ZSWIM9: variants seen among roughly 807,000 people sequenced by gnomAD.
The protein encoded by ZSWIM9 is uncharacterized protein ZSWIM9.
In ZSWIM9, 11 loss-of-function variants were observed where a neutral mutation model predicts 25.0. The observed-to-expected ratio is 0.44, with a 90% CI of 0.28 to 0.73. The LOEUF (loss-of-function observed/expected upper bound fraction) is 0.73. ZSWIM9 is among the 30% of genes least tolerant of loss of function. ZSWIM9 has a pLI of 0.16. For missense variants in ZSWIM9, 1,070 were observed against 1,296.5 expected, an observed-to-expected ratio of 0.83 and a Z score of 2.68; for synonymous variants, 562 against 582.1, an observed-to-expected ratio of 0.97 and a Z score of 0.50.
intron 2 of ZSWIM9, among the ~76,000 whole-genome samples, chr19:48,175,182 T>A (rs1049591877): frequency 3.9e-5 from 6 of 152,192 alleles, no homozygotes; most frequent in African/African-American, 1.4e-4. Context: ...GTGCAGGTAC[T>A]GTCCCAAGTG....
At position 48,196,191 on chromosome 19, in the gene ZSWIM9, A is replaced by C; in HGVS notation, c.2127A>C (p.Arg709Ser). 3.2e-6 allele frequency: 4 copies of C among 1,234,934 alleles called. No individual in the cohort carries two copies. Among genetic ancestry groups the C allele is most frequent in the Non-Finnish European group, 4.0e-6 (4 of 990,064 alleles). 76.5% of individuals were successfully genotyped at this position (1,234,934 alleles called of 1,614,324 possible). A position where few individuals can be genotyped will look rare whatever the true frequency, so the allele number is the denominator to read the frequency against. ...GAGCGAGGGTGGGGGTCAAAAGAAG[A>C]AGGGGCCTGGAGGATATAGTTCTGG... is the stretch of plus-strand genomic sequence containing the variant. The part of the protein sequence containing the change: ...ERGARVGVKR[R>S]RGLEDIVLVQ... Residue 709 changes from arginine to serine, a missense_variant, in exon 4 of 4, where the codon AGA becomes AGC. This residue lies in a region of ZSWIM9 where 583 missense variants were observed against 624.7 expected (regional missense o/e 0.93). Coordinates refer to ENST00000614654, the MANE Select transcript of ZSWIM9 (RefSeq NM_199341.4).
At chr19:48,185,200 C>T (rs953341180) in intron 3 of ZSWIM9, among the ~76,000 whole-genome samples, 3 of 146,938 alleles carry the variant, frequency 2.0e-5, no homozygotes, top group African/African-American at 7.6e-5. Flanking sequence ...AGTGCAATGG[C>T]GGAATCTTGG....
chr19:48,189,828 C>A (rs1395262384), intron 3 of ZSWIM9, among the ~76,000 whole-genome samples: 1 of 152,076 alleles, frequency 6.6e-6, no homozygotes. Context: ...GGAGTAAGAC[C>A]TTTTATGTAT....
intron 3 of ZSWIM9, chr19:48,187,557 T>A (rs1479102848): frequency 2.5e-4 from 7 of 27,826 alleles, no homozygotes; most frequent in Admixed American, 1.6e-3. Flanking sequence ...ATTATATATA[T>A]TATATATAAT....
chr19:48,176,881 T>C (rs2036898546), intron 2 of ZSWIM9, among the ~76,000 whole-genome samples: 1 of 151,266 alleles, frequency 6.6e-6, no homozygotes, highest in South Asian at 2.1e-4. Flanking sequence ...CTGGGCAACA[T>C]GGTGAAACTC....
intron 3 of ZSWIM9, among the ~76,000 whole-genome samples, chr19:48,192,152 T>C (rs1164981522): frequency 6.6e-6 from 1 of 151,870 alleles, no homozygotes. Flanking sequence ...GGCTGTCTCC[T>C]CTCACTCAGT....
chr19:48,176,625 A>G (rs996711217), intron 2 of ZSWIM9, among the ~76,000 whole-genome samples: 2 of 151,856 alleles, frequency 1.3e-5, no homozygotes, highest in Non-Finnish European at 2.9e-5. Flanking sequence ...TGACCGTGCC[A>G]TGGATCCCCT....
rs954905339 is a variant in ZSWIM9, at chr19:48,171,820, C to A, written c.18C>A (p.Pro6=). 2 of 1,533,040 alleles carry A rather than the reference C, an allele frequency of 1.3e-6. No individual in the cohort carries two copies. Among genetic ancestry groups the A allele is most frequent in the Admixed American group, 3.9e-5 (2 of 50,848 alleles). 95.0% of individuals were successfully genotyped at this position (1,533,040 alleles called of 1,614,324 possible). A position where few individuals can be genotyped will look rare whatever the true frequency, so the allele number is the denominator to read the frequency against. The change falls in exon 2 of 4, where the codon CCC becomes CCA. Residue 6 remains proline, a synonymous_variant. Coordinates refer to ENST00000614654, the MANE Select transcript of ZSWIM9 (RefSeq NM_199341.4). MERPE[P]PPGTAAGQEE... is the part of the protein sequence containing the mutation. ...CCCCCAGGATGGAGCGGCCGGAGCC[C>A]CCACCCGGCACGGCTGCGGGGCAGG...
chr19:48,185,965 A>G (rs979265543), intron 3 of ZSWIM9, among the ~76,000 whole-genome samples: 2 of 152,200 alleles, frequency 1.3e-5, no homozygotes, highest in Non-Finnish European at 2.9e-5. Flanking sequence ...TGGCCTAGGT[A>G]ACAGAGTGAC....
rs192474401 is a variant in ZSWIM9, at chr19:48,176,913, T to G, written c.275+4836T>G. On this transcript the variant is annotated intron_variant, in intron 2 of 3. Coordinates refer to ENST00000614654, the MANE Select transcript of ZSWIM9 (RefSeq NM_199341.4). ...ACTCCGTCTCTACTAAAATAAAAATTAAAAAAAAAAAATTAGCTGGGTGTG... is the reference window on the plus strand; with the variant it reads ...ACTCCGTCTCTACTAAAATAAAAATGAAAAAAAAAAAATTAGCTGGGTGTG... 8.7e-3 allele frequency among the ~76,000 whole-genome samples: 1,262 copies of G among 145,500 alleles called. 12 individuals carry two copies. Among genetic ancestry groups the G allele is most frequent in the South Asian group, 0.015 (70 of 4,564 alleles).
intron 2 of ZSWIM9, 147 bp downstream of exon 2, chr19:48,172,224 G>C (rs2123166838): frequency 1.4e-6 from 1 of 708,614 alleles, no homozygotes; most frequent in Non-Finnish European, 2.3e-6. Flanking sequence ...GCAGAGAGGC[G>C]GGAGTCAAGG....
chr19:48,171,324 G>C (rs1435952895), intron 1 of ZSWIM9: 1 of 985,240 alleles, frequency 1.0e-6, no homozygotes, highest in African/African-American at 1.7e-5. Flanking sequence ...GTCTTTGGAG[G>C]GGTTACAGCC....
In ZSWIM9 at chr19:48,182,322, C is replaced by T. The variant is rs920327193; in HGVS notation, c.276-133C>T. ...GACTTGCCCCAGGTCACACAGCTGG[C>T]ATATTCTTAGGGCCCTCTACTCTTC... On this transcript the variant is annotated intron_variant, in intron 2 of 3. Coordinates refer to ENST00000614654, the MANE Select transcript of ZSWIM9 (RefSeq NM_199341.4). The surrounding 1 kb of genome is among the most constrained non-coding windows in gnomAD (Gnocchi z 4.6). 2.7e-6 allele frequency: 2 copies of T among 741,448 alleles called. No individual in the cohort carries two copies. The highest frequency in any genetic ancestry group is 4.3e-6 in the Non-Finnish European group (2 of 468,338). The allele number at this position is 741,448 out of a possible 1,614,324, so 45.9% of individuals were successfully genotyped here.
In ZSWIM9 at chr19:48,182,792, G is replaced by A. The variant is rs780672444; in HGVS notation, c.588+25G>A. 7.3e-6 allele frequency: 11 copies of A among 1,498,030 alleles called. No homozygotes were observed. Among genetic ancestry groups the A allele is most frequent in the South Asian group, 1.2e-5 (1 of 80,330 alleles). The allele number at this position is 1,498,030 out of a possible 1,614,324, so 92.8% of individuals were successfully genotyped here. A position where few individuals can be genotyped will look rare whatever the true frequency, so the allele number is the denominator to read the frequency against. ...GGTGGGGTCTCGAGAGAGGCAGGCC[G>A]GGGGAGGGGGCGGGGGAAAGCCGCG... On this transcript the variant is annotated intron_variant, in intron 3 of 3. Coordinates refer to ENST00000614654, the MANE Select transcript of ZSWIM9 (RefSeq NM_199341.4). The surrounding 1 kb of genome is among the most constrained non-coding windows in gnomAD (Gnocchi z 4.6).
chr19:48,196,608 T>A lies in ZSWIM9; in HGVS notation c.2544T>A (p.His848Gln). The A allele has an allele frequency of 8.1e-7, 1 of 1,232,504 alleles. No homozygotes were observed. Among genetic ancestry groups the A allele is most frequent in the Non-Finnish European group, 1.0e-6 (1 of 988,264 alleles). 76.3% of individuals were successfully genotyped at this position (1,232,504 alleles called of 1,614,324 possible). A position where few individuals can be genotyped will look rare whatever the true frequency, so the allele number is the denominator to read the frequency against. Residue 848 changes from histidine (H) to glutamine (Q), a missense_variant, in exon 4 of 4, where the codon CAT (histidine) becomes CAA (glutamine). Coordinates refer to ENST00000614654, the MANE Select transcript of ZSWIM9 (RefSeq NM_199341.4). ...VAEELAFARQ[H>Q]GTRGFHWTGA... ...AGGAGTTGGCCTTTGCTAGGCAGCA[T>A]GGGACCCGGGGTTTCCACTGGACCG...
intron 3 of ZSWIM9, among the ~76,000 whole-genome samples, chr19:48,188,656 C>T (rs375694964): frequency 2.6e-5 from 4 of 152,268 alleles, no homozygotes; most frequent in East Asian, 1.9e-4. Context: ...AGACCTTGCC[C>T]GGAAACGTTG....
At chr19:48,172,129 T>TG in intron 2 of ZSWIM9, 52 bp downstream of exon 2, 5 of 349,916 alleles carry the variant, frequency 1.4e-5, no homozygotes, top group Non-Finnish European at 2.5e-5. Context: ...GCACCGGGGG[T>TG]GGGTGTGGGT....
At position 48,196,165 on chromosome 19, in the gene ZSWIM9, G is replaced by T; in HGVS notation, c.2101G>T (p.Gly701Ter). The change falls in exon 4 of 4, where the codon GGA becomes TGA. Residue 701 changes from glycine (G) to a stop codon, truncating the protein, a stop_gained. Coordinates refer to ENST00000614654, the MANE Select transcript of ZSWIM9 (RefSeq NM_199341.4). LOFTEE classifies it low-confidence loss of function (END_TRUNC). ...RRGPEIAEER[G>*]ARVGVKRRRG... The stretch of plus-strand genomic sequence containing the variant: ...AGGGCCAGAGATTGCAGAGGAGAGG[G>T]GAGCGAGGGTGGGGGTCAAAAGAAG... The T allele has an allele frequency of 8.1e-7, 1 of 1,236,888 alleles. No individual in the cohort carries two copies. Among genetic ancestry groups the T allele is most frequent in the Non-Finnish European group, 1.0e-6 (1 of 991,298 alleles). 76.6% of individuals were successfully genotyped at this position (1,236,888 alleles called of 1,614,324 possible). A position where few individuals can be genotyped will look rare whatever the true frequency, so the allele number is the denominator to read the frequency against.
intron 2 of ZSWIM9, chr19:48,181,753 T>G (rs929627553): frequency 6.6e-6 from 1 of 152,224 alleles, no homozygotes; most frequent in African/African-American, 2.4e-5. Flanking sequence ...GTTATCAGTC[T>G]CTTTTGTTTG....
Sources: gnomAD v4.1 joint callset for allele counts (sites outside exome capture counted in the v4.1 genomes callset) on GRCh38, gnomAD v4.1.1 for gene constraint, gnomAD v4.1.1 regional missense constraint, Gnocchi (gnomAD v3.1) non-coding constraint, MANE v1.5 for transcripts, NCBI Gene and HGNC (gene_info 2026-07-23, HGNC 2026-07-21) for gene names.